Variants in SYNDIG1 observed in about 807,000 individuals in gnomAD.
The protein encoded by SYNDIG1 is synapse differentiation-inducing gene protein 1.
SYNDIG1 carries 9 observed loss-of-function variants against 19.4 expected under a neutral mutation model. The observed-to-expected ratio is 0.46, with a 90% CI of 0.28 to 0.81. The LOEUF (loss-of-function observed/expected upper bound fraction) is 0.81. Ranked by LOEUF, SYNDIG1 falls within the 30% of genes least tolerant of loss-of-function variation. SYNDIG1 has a pLI of 0.12. For missense variants in SYNDIG1, 311 were observed against 343.3 expected (o/e 0.91, Z 0.74); for synonymous variants, 141 against 145.9 (o/e 0.97, Z 0.24).
chr20:24,656,820 T>G (rs539000522), intron 3 of SYNDIG1, among the ~76,000 whole-genome samples: 33 of 152,358 alleles, frequency 2.2e-4, no homozygotes, highest in African/African-American at 7.7e-4. Context: ...GGCCAGATGT[T>G]TATCCCCTCC....
At chr20:24,477,491 T>C (rs965225441) in intron 1 of SYNDIG1, among the ~76,000 whole-genome samples, 2 of 152,172 alleles carry the variant, frequency 1.3e-5, no homozygotes, top group African/African-American at 4.8e-5. Context: ...ACTTCAGCCT[T>C]GCCCCCGGTG....
intron 3 of SYNDIG1, among the ~76,000 whole-genome samples, chr20:24,633,438 G>C (rs2059275890): frequency 6.6e-6 from 1 of 152,186 alleles, no homozygotes; most frequent in Non-Finnish European, 1.5e-5. Context: ...GGGAGCAGGT[G>C]TAGGGGAGGC....
At chr20:24,656,002 T>C (rs889937555) in intron 3 of SYNDIG1, among the ~76,000 whole-genome samples, 4 of 152,154 alleles carry the variant, frequency 2.6e-5, no homozygotes, top group Non-Finnish European at 5.9e-5. Context: ...ATGGGACCTA[T>C]AGGGAGTTCC....
chr20:24,556,231 C>A (rs2057813508), intron 2 of SYNDIG1, among the ~76,000 whole-genome samples: 1 of 152,170 alleles, frequency 6.6e-6, no homozygotes, highest in African/African-American at 2.4e-5. Context: ...CTGAATACAG[C>A]ACACTGATGG....
At chr20:24,526,956 T>A (rs1222433245) in intron 1 of SYNDIG1, among the ~76,000 whole-genome samples, 1 of 152,222 alleles carries the variant, frequency 6.6e-6, no homozygotes, top group African/African-American at 2.4e-5. Context: ...CTTTGACTGC[T>A]TTTAAGACCT....
At chr20:24,567,545 G>T (rs1320960133) in intron 2 of SYNDIG1, among the ~76,000 whole-genome samples, 1 of 152,200 alleles carries the variant, frequency 6.6e-6, no homozygotes, top group Admixed American at 6.5e-5. Context: ...GAAAAGGAGA[G>T]CCCAAAGGGG....
At chr20:24,573,967 G>C (rs1036107262) in intron 2 of SYNDIG1, among the ~76,000 whole-genome samples, 1 of 152,182 alleles carries the variant, frequency 6.6e-6, no homozygotes, top group African/African-American at 2.4e-5. Context: ...GCCCTGCAAA[G>C]GGTGGGAGAA....
intron 1 of SYNDIG1, among the ~76,000 whole-genome samples, chr20:24,518,491 C>T (rs1490075579): frequency 1.3e-5 from 2 of 152,162 alleles, no homozygotes; most frequent in Admixed American, 6.5e-5. Flanking sequence ...TTATCCTTGT[C>T]CCGTTGGCAA....
At chr20:24,556,148 C>A (rs1259246378) in intron 2 of SYNDIG1, among the ~76,000 whole-genome samples, 1 of 151,660 alleles carries the variant, frequency 6.6e-6, no homozygotes, top group Admixed American at 6.6e-5. Context: ...TTTTGTTTTC[C>A]ATTTGCTTGG....
intron 3 of SYNDIG1, among the ~76,000 whole-genome samples, chr20:24,625,384 A>ATTT (rs35759862): frequency 0.027 from 3,072 of 115,236 alleles, 84 homozygotes; most frequent in African/African-American, 0.041. Flanking sequence ...TGCCTGGGAC[A>ATTT]TTTTTTTTTT....
chr20:24,579,884 A>G (rs908926833), intron 2 of SYNDIG1, among the ~76,000 whole-genome samples: 3 of 152,210 alleles, frequency 2.0e-5, no homozygotes, highest in African/African-American at 7.2e-5. Context: ...GAACATTGTG[A>G]TGTGCAAACA....
At chr20:24,602,779 G>T (rs2058698106) in intron 3 of SYNDIG1, among the ~76,000 whole-genome samples, 1 of 152,124 alleles carries the variant, frequency 6.6e-6, no homozygotes, top group Admixed American at 6.5e-5. Flanking sequence ...TACCAGTCTG[G>T]CATTATTAGA....
At chr20:24,663,846 G>A (rs907252511) in intron 3 of SYNDIG1, among the ~76,000 whole-genome samples, 2 of 152,278 alleles carry the variant, frequency 1.3e-5, no homozygotes, top group African/African-American at 4.8e-5. Context: ...ACCCTAATGA[G>A]CAATGACTCT....
intron 1 of SYNDIG1, among the ~76,000 whole-genome samples, chr20:24,485,060 TC>T (rs1486086265): frequency 6.6e-6 from 1 of 151,670 alleles, no homozygotes; most frequent in African/African-American, 2.4e-5. Flanking sequence ...CGTTTACACT[TC>T]CCTTTTGACC....
At chr20:24,474,396 A>G (rs2055556913) in intron 1 of SYNDIG1, among the ~76,000 whole-genome samples, 1 of 152,256 alleles carries the variant, frequency 6.6e-6, no homozygotes, top group African/African-American at 2.4e-5. Flanking sequence ...AGGATCAAAA[A>G]TAACTGCTAG....
At chr20:24,576,914 AACCTGCTCAGCAG>A (rs1166856131) in intron 2 of SYNDIG1, among the ~76,000 whole-genome samples, 1 of 152,114 alleles carries the variant, frequency 6.6e-6, no homozygotes, top group African/African-American at 2.4e-5. Context: ...CAAATGTAAC[AACCTGCTCAGCAG>A]ACAAGCTTTT....
chr20:24,633,093 C>A (rs1010761069), intron 3 of SYNDIG1, among the ~76,000 whole-genome samples: 1 of 152,134 alleles, frequency 6.6e-6, no homozygotes, highest in African/African-American at 2.4e-5. Context: ...GATGGGCAGA[C>A]CGTGTCGAAT....
rs976087947 is a variant in SYNDIG1 at position 24,658,333 on chromosome 20, G to T, written c.619-7013G>T. Among the ~76,000 whole-genome samples the T allele has an allele frequency of 6.6e-6, 1 of 152,100 alleles. No homozygotes were observed. Among genetic ancestry groups the T allele is most frequent in the African/African-American group, 2.4e-5 (1 of 41,410 alleles). ...AAAGGCAGGTAGTGACGCGGCAGGG[G>T]ACTGGAGCTCGGTGGAGTGGACTCT... On this transcript the variant is annotated intron_variant, in intron 3 of 3. Coordinates refer to ENST00000376862, the MANE Select transcript of SYNDIG1 (RefSeq NM_024893.3). This position sits in a 1 kb window ranked among gnomAD's most constrained non-coding sequence, Gnocchi z 4.4.
At chr20:24,483,903 A>T (rs962690149) in intron 1 of SYNDIG1, among the ~76,000 whole-genome samples, 1 of 152,130 alleles carries the variant, frequency 6.6e-6, no homozygotes, top group Non-Finnish European at 1.5e-5. Context: ...CTGCGTCCAG[A>T]TGCAGCCAAG....
Sources: gnomAD v4.1 joint callset for allele counts (sites outside exome capture counted in the v4.1 genomes callset) on GRCh38, gnomAD v4.1.1 for gene constraint, Gnocchi (gnomAD v3.1) non-coding constraint, MANE v1.5 for transcripts, NCBI Gene and HGNC (gene_info 2026-07-23, HGNC 2026-07-21) for gene names.